The following CFD variants were observed in gnomAD, a reference collection of about 807,000 sequenced individuals.
The protein encoded by CFD is complement factor D.
A neutral mutation model predicts 21.1 loss-of-function variants in CFD; 24 were observed. That is an observed-to-expected ratio of 1.14 (90% confidence interval 0.82 to 1.60). The LOEUF is 1.60. Ranked by LOEUF, CFD falls within the 40% of genes most tolerant of loss-of-function variation. CFD has a pLI of 0.00. For synonymous variants in CFD, 242 were observed against 175.9 expected, an observed-to-expected ratio of 1.38 and a Z score of -2.97; for missense variants, 535 against 383.3, an observed-to-expected ratio of 1.40 and a Z score of -3.31.
In CFD at chr19:860,775, T is replaced by C. The variant is rs780270249; in HGVS notation, c.212+2T>C. 1 of 1,564,044 alleles carries C rather than the reference T, an allele frequency of 6.4e-7. No individual in the cohort carries two copies. Among genetic ancestry groups the C allele is most frequent in the South Asian group, 1.1e-5 (1 of 87,140 alleles). ...CGCGGCGCACTGCCTGGAGGACGCG[T>C]GAGTGCCCGCGCCGCGCGGGGGAAG... On this transcript the variant is annotated splice_donor_variant, in intron 2 of 4. Coordinates refer to ENST00000327726, the MANE Select transcript of CFD (RefSeq NM_001928.4). LOFTEE classifies it high-confidence loss of function.
At chr19:860,436 C>CCT (rs955429158) in intron 1 of CFD, among the ~76,000 whole-genome samples, 181 bp from the exon 2 acceptor site, 41 of 151,482 alleles carry the variant, frequency 2.7e-4, no homozygotes, top group African/African-American at 9.7e-4. Context: ...CTGCACCCCC[C>CCT]CCTCCCCCCC....
At chr19:862,477 AG>A (rs1311671444) in intron 4 of CFD, among the ~76,000 whole-genome samples, 1 of 25,470 alleles carries the variant, frequency 3.9e-5, no homozygotes, top group Non-Finnish European at 7.3e-5. Flanking sequence ...TGGGAGGTAT[AG>A]GGGGCGGGCA....
At chr19:862,146 C>T (rs1420721439) in intron 4 of CFD, among the ~76,000 whole-genome samples, 190 bp downstream of exon 4, 2 of 43,744 alleles carry the variant, frequency 4.6e-5, no homozygotes, top group Non-Finnish European at 8.8e-5. Context: ...GGGGGCGGGG[C>T]ATGTGGGTAG....
At chr19:861,661 C>T in intron 3 of CFD, 38 bp from the exon 4 acceptor site, 1 of 1,571,016 alleles carries the variant, frequency 6.4e-7, no homozygotes, top group South Asian at 1.2e-5. Flanking sequence ...AGCCTCGCAC[C>T]CCCGCACCCC....
At position 863,334 on chromosome 19, in the gene CFD, T is replaced by C. The variant is rs535195741; in HGVS notation, c.*96T>C. Reference sequence around the variant, plus strand: ...ATCTGGTTGGTCTTTATTGAGCACCTACTATATGCAGAAGGGGAGGCCGAG... The same window carrying C: ...ATCTGGTTGGTCTTTATTGAGCACCCACTATATGCAGAAGGGGAGGCCGAG... On this transcript the variant is annotated 3_prime_UTR_variant, in exon 5 of 5. Coordinates refer to ENST00000327726, the MANE Select transcript of CFD (RefSeq NM_001928.4). 199 of 1,426,028 alleles carry C rather than the reference T, an allele frequency of 1.4e-4. 5 individuals are homozygous for C. The highest frequency in any genetic ancestry group is 9.9e-4 in the South Asian group (81 of 81,768). 88.3% of individuals were successfully genotyped at this position (1,426,028 alleles called of 1,614,324 possible).
Position 863,239 on chromosome 19 carries a change from G to A in CFD, c.*1G>A. The A allele has an allele frequency of 6.5e-7, 1 of 1,547,430 alleles. No individual in the cohort carries two copies. The highest frequency in any genetic ancestry group is 1.2e-5 in the South Asian group (1 of 84,704). On this transcript the variant is annotated 3_prime_UTR_variant, in exon 5 of 5. Transcript: ENST00000327726. ...CTGGATCGACAGCGTCCTGGCCTAG[G>A]GTGCCGGGGCCTGAAGGTCAGGGTC...
chr19:861,849 C>T lies in CFD; in HGVS notation c.508C>T (p.Leu170Phe), dbSNP rs771107572. The T allele has an allele frequency of 3.1e-6, 5 of 1,599,244 alleles. No individual in the cohort carries two copies. The African/African-American group carries it at 4.0e-5, about 13-fold the overall frequency. Residue 170 changes from leucine (L) to phenylalanine (F), a missense_variant, in exon 4 of 5, where the codon CTC becomes TTC. Coordinates refer to ENST00000327726, the MANE Select transcript of CFD (RefSeq NM_001928.4). ...GRRPDSLQHV[L>F]LPVLDRATCN... ...CCGCCCGGACAGCCTGCAGCACGTG[C>T]TCTTGCCAGTGCTGGACCGCGCCAC...
chr19:861,061 C>T, intron 3 of CFD, 56 bp downstream of exon 3: 8 of 1,557,176 alleles, frequency 5.1e-6, no homozygotes, highest in Non-Finnish European at 6.9e-6. Context: ...GGCCCACCCT[C>T]ACTCCACCCC....
intron 1 of CFD, 64 bp from the exon 2 acceptor site, chr19:860,553 G>A (rs2035771497): frequency 3.0e-6 from 4 of 1,335,960 alleles, no homozygotes; most frequent in East Asian, 3.2e-5. Context: ...CTGGGATCCC[G>A]TCAGGCAGCC....
rs758990229 is a variant in CFD, at chr19:861,962, C to A, written c.615+6C>A. The A allele has an allele frequency of 6.5e-7, 1 of 1,540,734 alleles. No individual in the cohort carries two copies. Among genetic ancestry groups the A allele is most frequent in the Non-Finnish European group, 8.7e-7 (1 of 1,149,998 alleles). ...ATCGCCGGGACAGCTGCAAGGTGAG[C>A]CTTCAGGCCTGGGAGGAGACGCGGG... On this transcript the variant is annotated splice_donor_region_variant and intron_variant, in intron 4 of 4. Coordinates refer to ENST00000327726, the MANE Select transcript of CFD (RefSeq NM_001928.4).
chr19:859,762 T>C lies in CFD; in HGVS notation c.55+18T>C, dbSNP rs1447561052. On this transcript the variant is annotated intron_variant, in intron 1 of 4. Coordinates refer to ENST00000327726, the MANE Select transcript of CFD (RefSeq NM_001928.4). ...CGCCTGCGGTGAGGAGGCCTGGGCCTGGGGTGAGGGACAGGGCTGTGTAGG... is the reference window on the plus strand; with the variant it reads ...CGCCTGCGGTGAGGAGGCCTGGGCCCGGGGTGAGGGACAGGGCTGTGTAGG... 3 of 1,556,946 alleles carry C rather than the reference T, an allele frequency of 1.9e-6. No homozygotes were observed. The highest frequency in any genetic ancestry group is 1.7e-6 in the Non-Finnish European group (2 of 1,148,206).
At position 863,111 on chromosome 19, in the gene CFD, T is replaced by C; in HGVS notation, c.635T>C (p.Leu212Pro). 1.3e-6 allele frequency: 2 copies of C among 1,525,896 alleles called. No homozygotes were observed. The highest frequency in any genetic ancestry group is 2.5e-5 in the East Asian group (1 of 40,522). 94.5% of individuals were successfully genotyped at this position (1,525,896 alleles called of 1,614,324 possible). A position where few individuals can be genotyped will look rare whatever the true frequency, so the allele number is the denominator to read the frequency against. Residue 212 changes from leucine to proline, a missense_variant, in exon 5 of 5, where the codon CTG becomes CCG. Leu to Pro is a moderately conservative substitution (Grantham distance 98). Transcript: ENST00000327726. ...DSCKGDSGGP[L>P]VCGGVLEGVV... ...CGGCAGGGTGACTCCGGGGGCCCGCTGGTGTGCGGGGGCGTGCTCGAGGGC... is the reference window on the plus strand; with the variant it reads ...CGGCAGGGTGACTCCGGGGGCCCGCCGGTGTGCGGGGGCGTGCTCGAGGGC...
In CFD at chr19:860,959, C is replaced by G; in HGVS notation, c.311C>G (p.Pro104Arg). The change falls in exon 3 of 5, where the codon CCG becomes CGG. Residue 104 changes from proline to arginine, a missense_variant. By Grantham distance (103) the Pro-to-Arg change is moderately radical. Coordinates refer to ENST00000327726, the MANE Select transcript of CFD (RefSeq NM_001928.4). ...GACGTGCTCCGCGCAGTGCCCCACC[C>G]GGACAGCCAGCCCGACACCATCGAC... ...LYDVLRAVPHPDSQPDTIDHD... is the reference protein window; with the variant it reads ...LYDVLRAVPHRDSQPDTIDHD... 1 of 1,600,598 alleles carries G rather than the reference C, an allele frequency of 6.2e-7. No homozygotes were observed. The highest frequency in any genetic ancestry group is 1.3e-5 in the African/African-American group (1 of 74,910).
intron 4 of CFD, among the ~76,000 whole-genome samples, chr19:862,719 G>A (rs1015292940): frequency 2.0e-5 from 3 of 151,840 alleles, no homozygotes; most frequent in African/African-American, 7.3e-5. Flanking sequence ...ACTGAGCAGA[G>A]CAGGTGGCCA....
rs2035837617 is a variant in CFD, at chr19:863,281, C to A, written c.*43C>A. The A allele has an allele frequency of 6.5e-7, 1 of 1,542,716 alleles. No individual in the cohort carries two copies. The highest frequency in any genetic ancestry group is 1.7e-4 in the Middle Eastern group (1 of 5,996). The stretch of plus-strand genomic sequence containing the variant: ...GTCAGGGTCACCCAAGCAACAAAGT[C>A]CCGAGCAATGAAGTCATCCACTCCT... On this transcript the variant is annotated 3_prime_UTR_variant, in exon 5 of 5. Transcript: ENST00000327726.
At chr19:861,038 C>T in intron 3 of CFD, 33 bp downstream of exon 3, 1 of 1,588,912 alleles carries the variant, frequency 6.3e-7, no homozygotes, top group Non-Finnish European at 8.5e-7. Flanking sequence ...CCTCCTGCGG[C>T]GCTGGGATCC....
At chr19:861,266 C>G (rs1309061289) in intron 3 of CFD, among the ~76,000 whole-genome samples, 1 of 95,392 alleles carries the variant, frequency 1.0e-5, no homozygotes, top group East Asian at 3.1e-4. Context: ...CCACAACCCC[C>G]ACACCCTCAC....
intron 1 of CFD, 32 bp from the exon 2 acceptor site, chr19:860,585 C>A: frequency 7.1e-7 from 1 of 1,399,010 alleles, no homozygotes; most frequent in Admixed American, 3.3e-5. Context: ...AGGAGTCCAC[C>A]CCGCGGCCCT....
At position 860,765 on chromosome 19, in the gene CFD, G is replaced by A; in HGVS notation, c.204G>A (p.Leu68=). The A allele has an allele frequency of 3.2e-6, 5 of 1,566,918 alleles. No homozygotes were observed. Among genetic ancestry groups the A allele is most frequent in the African/African-American group, 1.4e-5 (1 of 74,066 alleles). ...EQWVLSAAHC[L]EDAADGKVQV... is the part of the protein sequence containing the mutation. ...GGGTGCTGAGCGCGGCGCACTGCCT[G>A]GAGGACGCGTGAGTGCCCGCGCCGC... Residue 68 remains leucine (L), a synonymous_variant, in exon 2 of 5, where the codon CTG becomes CTA. Transcript: ENST00000327726.
Sources: gnomAD v4.1 joint callset for allele counts (sites outside exome capture counted in the v4.1 genomes callset) on GRCh38, gnomAD v4.1.1 for gene constraint, MANE v1.5 for transcripts, NCBI Gene and HGNC (gene_info 2026-07-23, HGNC 2026-07-21) for gene names.